KATNIP: variants seen among roughly 807,000 people sequenced by gnomAD.
KATNIP encodes the protein katanin-interacting protein.
KATNIP carries 126 observed loss-of-function variants against 174.0 expected under a neutral mutation model. The observed-to-expected ratio is 0.72, with a 90% CI of 0.63 to 0.84. The LOEUF (loss-of-function observed/expected upper bound fraction) is 0.84, where lower values mean the gene tolerates loss of function less well. Ranked by LOEUF, KATNIP falls within the 40% of genes least tolerant of loss-of-function variation. The pLI is 0.00. For missense variants in KATNIP, 1,958 were observed against 2,109.7 expected, an observed-to-expected ratio of 0.93 and a Z score of 1.41; for synonymous variants, 810 against 835.7, an observed-to-expected ratio of 0.97 and a Z score of 0.53.
intron 2 of KATNIP, among the ~76,000 whole-genome samples, chr16:27,606,204 G>A (rs1448220634): frequency 6.6e-6 from 1 of 152,186 alleles, no homozygotes. Context: ...GGGCTCCACA[G>A]CGCTGGGACA....
At chr16:27,572,477 C>T (rs527762527) in intron 1 of KATNIP, among the ~76,000 whole-genome samples, 92 of 151,872 alleles carry the variant, frequency 6.1e-4, no homozygotes, top group African/African-American at 2.2e-3. Context: ...GTTAGTCTAC[C>T]CCAAGGCTTG....
rs570011253 is a variant in KATNIP at position 27,681,296 on chromosome 16, A to G, written c.809-103A>G. 1.7e-5 allele frequency: 25 copies of G among 1,434,384 alleles called. No homozygotes were observed. In the East Asian group the frequency reaches 4.4e-4, roughly 25 times the overall value. The allele number at this position is 1,434,384 out of a possible 1,614,324, so 88.9% of individuals were successfully genotyped here. A position where few individuals can be genotyped will look rare whatever the true frequency, so the allele number is the denominator to read the frequency against. ...AACTGCACAAAGTAGTTCCGTAGAC[A>G]TTTGTTGAATGAGTAAGTGAATGAA... On this transcript the variant is annotated intron_variant, in intron 7 of 27. Transcript: ENST00000261588.
rs1392649961 is a variant in KATNIP at position 27,740,459 on chromosome 16, T to G, written c.2162T>G (p.Val721Gly). The change falls in exon 15 of 28, where the codon GTG becomes GGG. Residue 721 changes from valine to glycine, a missense_variant. Physicochemically the swap from Val to Gly is moderately radical, Grantham distance 109. Around this residue, in one of 3 missense-constraint regions of KATNIP, gnomAD observed 1,557 missense variants for 1,617.8 expected, o/e 0.96. Transcript: ENST00000261588. The stretch of plus-strand genomic sequence containing the variant: ...AGTGCTCCTGCCACTTCCCCACCTG[T>G]GAAGTGCCCTCCTGTCCATGAGGAG... Reference protein sequence around the residue: ...MPSAPATSPPVKCPPVHEEPS... With the variant: ...MPSAPATSPPGKCPPVHEEPS... 4 of 1,613,956 alleles carry G rather than the reference T, an allele frequency of 2.5e-6. No homozygotes were observed. The East Asian group carries it at 8.9e-5, about 36-fold the overall frequency.
intron 6 of KATNIP, among the ~76,000 whole-genome samples, chr16:27,674,694 C>T (rs1050490305): frequency 4.6e-5 from 7 of 152,222 alleles, no homozygotes; most frequent in Non-Finnish European, 1.0e-4. Flanking sequence ...GTCCCTTTGC[C>T]CTGTAAGGCA....
chr16:27,678,348 T>C (rs1160443094), intron 7 of KATNIP, among the ~76,000 whole-genome samples: 1 of 152,198 alleles, frequency 6.6e-6, no homozygotes, highest in Non-Finnish European at 1.5e-5. Context: ...GTAGCAAGAC[T>C]CATTTTCTCC....
chr16:27,669,368 A>G, intron 6 of KATNIP: 3 of 941,438 alleles, frequency 3.2e-6, no homozygotes, highest in Non-Finnish European at 3.8e-6. Flanking sequence ...TCCGATCTCC[A>G]CCTGCGGTGT....
intron 8 of KATNIP, among the ~76,000 whole-genome samples, chr16:27,697,867 A>G (rs950600923): frequency 6.6e-6 from 1 of 151,470 alleles, no homozygotes; most frequent in Non-Finnish European, 1.5e-5. Context: ...ATTCCCCTTT[A>G]CTCCTGAACT....
In KATNIP at chr16:27,698,375, CTT is replaced by C. The variant is rs1395136894; in HGVS notation, c.990_991del (p.Cys331ArgfsTer3). 1.2e-6 allele frequency: 2 copies of C among 1,612,970 alleles called. No individual in the cohort carries two copies. Among genetic ancestry groups the C allele is most frequent in the Non-Finnish European group, 1.7e-6 (2 of 1,179,468 alleles). Reference protein sequence around the residue: ...ERPLSATRKTLCEAEYPEEDA... With the variant: ...ERPLSATRKTXCEAEYPEEDA... ...ACCCCTGTCTGCAACCCGCAAAACT[CTT>C]TGCGAGGCTGAGTACCCAGAGGAAG... is the stretch of plus-strand genomic sequence containing the variant. On this transcript the variant is annotated frameshift_variant, in exon 9 of 28. Coordinates refer to ENST00000261588, the MANE Select transcript of KATNIP (RefSeq NM_015202.5). LOFTEE classifies it high-confidence loss of function.
rs77289263 is a variant in KATNIP, at chr16:27,673,785, C to T, written c.541-3944C>T. On this transcript the variant is annotated intron_variant, in intron 6 of 27. Transcript: ENST00000261588. ...CAATTCTGCAAGGTAGGGATTTGTT[C>T]ATCTATTTTTATGGATGTCAAGATG... Among the ~76,000 whole-genome samples the T allele has an allele frequency of 9.9e-3, 1,500 of 152,202 alleles. 25 individuals carry two copies. Among genetic ancestry groups the T allele is most frequent in the African/African-American group, 0.035 (1,443 of 41,546 alleles).
At chr16:27,688,477 G>C (rs1481540195) in intron 8 of KATNIP, among the ~76,000 whole-genome samples, 1 of 152,138 alleles carries the variant, frequency 6.6e-6, no homozygotes, top group East Asian at 1.9e-4. Flanking sequence ...TGTGGTCCCA[G>C]CTACTCAGGA....
intron 5 of KATNIP, among the ~76,000 whole-genome samples, chr16:27,639,499 C>T (rs889251009): frequency 2.6e-5 from 4 of 152,230 alleles, no homozygotes; most frequent in Non-Finnish European, 5.9e-5. Flanking sequence ...ATTTGATGAA[C>T]GTCATCGGCT....
chr16:27,657,295 C>T (rs2077329425), intron 6 of KATNIP, among the ~76,000 whole-genome samples: 1 of 151,930 alleles, frequency 6.6e-6, no homozygotes, highest in African/African-American at 2.4e-5. Context: ...GGTGAATATA[C>T]GTGAAGGGTA....
chr16:27,628,094 G>C (rs150697069), intron 3 of KATNIP, among the ~76,000 whole-genome samples: 55 of 152,344 alleles, frequency 3.6e-4, no homozygotes, highest in African/African-American at 8.2e-4. Flanking sequence ...AATATGACAT[G>C]ATGGCCTTTG....
intron 19 of KATNIP, among the ~76,000 whole-genome samples, chr16:27,763,307 A>T (rs994815473): frequency 3.3e-5 from 5 of 150,742 alleles, no homozygotes; most frequent in Admixed American, 1.3e-4. Flanking sequence ...AAAAAATAAA[A>T]AATAAATAAA....
At chr16:27,749,468 T>C (rs1332697893) in intron 15 of KATNIP, 116 bp from the exon 16 acceptor site, 8 of 1,234,518 alleles carry the variant, frequency 6.5e-6, no homozygotes, top group Non-Finnish European at 5.6e-6. Context: ...TCTAGAGGGC[T>C]CCCCTGGAGG....
intron 7 of KATNIP, among the ~76,000 whole-genome samples, chr16:27,680,751 G>A (rs1338126958): frequency 6.6e-6 from 1 of 152,214 alleles, no homozygotes; most frequent in African/African-American, 2.4e-5. Context: ...GCTGGAGTCA[G>A]TGGCACAATC....
intron 6 of KATNIP, among the ~76,000 whole-genome samples, chr16:27,675,697 T>C (rs35210913): frequency 0.14 from 21,858 of 152,178 alleles, 1,633 homozygotes; most frequent in Middle Eastern, 0.19. Flanking sequence ...CCTTTCGTTT[T>C]GTTCTTTCTT....
At chr16:27,568,522 T>C (rs1313619958) in intron 1 of KATNIP, among the ~76,000 whole-genome samples, 1 of 152,014 alleles carries the variant, frequency 6.6e-6, no homozygotes, top group African/African-American at 2.4e-5. Context: ...GCTGGAGTAG[T>C]GGTGCAATCT....
intron 6 of KATNIP, among the ~76,000 whole-genome samples, chr16:27,673,112 C>T (rs1392249070): frequency 6.6e-6 from 1 of 152,080 alleles, no homozygotes; most frequent in Non-Finnish European, 1.5e-5. Context: ...CCTAAGTTGA[C>T]CTTATTTGAG....
Sources: allele counts gnomAD v4.1 joint callset (sites outside exome capture counted in the v4.1 genomes callset), GRCh38; gene constraint gnomAD v4.1.1; regional missense constraint gnomAD v4.1.1; transcripts MANE v1.5; gene names NCBI Gene and HGNC (gene_info 2026-07-23, HGNC 2026-07-21).